Variants in ERP27 observed in about 807,000 individuals in gnomAD.
The protein encoded by ERP27 is endoplasmic reticulum resident protein 27.
In ERP27, 23 loss-of-function variants were observed where a neutral mutation model predicts 27.7. The ratio of observed to expected loss-of-function variants is 0.83; its 90% CI spans 0.60 to 1.18. The LOEUF is 1.18. ERP27 is among the 50% of genes most tolerant of loss of function. The probability of loss-of-function intolerance (pLI) is 0.00; values close to 1 mark genes in which losing one functional copy is unlikely to be tolerated. For synonymous variants in ERP27, 159 were observed against 118.3 expected, an observed-to-expected ratio of 1.34 and a Z score of -2.23; for missense variants, 363 against 327.9, an observed-to-expected ratio of 1.11 and a Z score of -0.83.
intron 3 of ERP27, among the ~76,000 whole-genome samples, chr12:14,931,798 A>G (rs1292672765): frequency 6.6e-6 from 1 of 152,074 alleles, no homozygotes; most frequent in Non-Finnish European, 1.5e-5. Flanking sequence ...TAAGCCTTTT[A>G]AATCAGGCCT....
intron 5 of ERP27, among the ~76,000 whole-genome samples, chr12:14,916,914 G>T (rs531810354): frequency 1.3e-5 from 2 of 152,202 alleles, no homozygotes; most frequent in African/African-American, 4.8e-5. Context: ...AGTCTCTTTG[G>T]ATCTCTATTT....
intron 3 of ERP27, chr12:14,929,036 G>A (rs1233491904): frequency 1.2e-5 from 18 of 1,534,586 alleles, no homozygotes; most frequent in African/African-American, 4.1e-5. Flanking sequence ...ATCAGGACTC[G>A]TTTAACATTT....
Position 14,914,510 on chromosome 12 carries a change from AAAAG to A in ERP27, c.*221_*224del. ...GATAGGGAGTGAGGATATGAAATTT[AAAAG>A]AAGGAAGAAGAGAAAACGAGATTTT... On this transcript the variant is annotated 3_prime_UTR_variant, in exon 7 of 7. Coordinates refer to ENST00000266397, the MANE Select transcript of ERP27 (RefSeq NM_152321.4). 1.9e-6 allele frequency: 1 copy of A among 521,646 alleles called. No individual in the cohort carries two copies. 32.3% of individuals were successfully genotyped at this position (521,646 alleles called of 1,614,324 possible). A position where few individuals can be genotyped will look rare whatever the true frequency, so the allele number is the denominator to read the frequency against.
At chr12:14,935,814 G>T (rs1357579875) in intron 2 of ERP27, among the ~76,000 whole-genome samples, 2 of 152,182 alleles carry the variant, frequency 1.3e-5, no homozygotes, top group Non-Finnish European at 2.9e-5. Context: ...TGCAACCTCT[G>T]CCTCACGGAT....
chr12:14,920,887 C>T, intron 4 of ERP27, 45 bp downstream of exon 4: 1 of 1,492,410 alleles, frequency 6.7e-7, no homozygotes, highest in Non-Finnish European at 9.3e-7. Context: ...AGTACCTTCC[C>T]CGACTCAGGG....
intron 3 of ERP27, among the ~76,000 whole-genome samples, chr12:14,931,448 G>GA (rs1206802430): frequency 6.6e-6 from 1 of 151,516 alleles, no homozygotes; most frequent in Non-Finnish European, 1.5e-5. Flanking sequence ...TGTAAACTGT[G>GA]AAAAAAATAT....
intron 3 of ERP27, among the ~76,000 whole-genome samples, chr12:14,926,785 T>A (rs1439683528): frequency 6.6e-6 from 1 of 152,224 alleles, no homozygotes; most frequent in Non-Finnish European, 1.5e-5. Context: ...TAGTTCCAGA[T>A]CTCACAGGAT....
rs575254357 is a variant in ERP27 at position 14,914,604 on chromosome 12, G to C, written c.*131C>G. ...CGTGTGTGTGTGCACGCGTGCGTGC[G>C]TGTGTGCACGTGCGTGTGTGTGTGG... is the stretch of plus-strand genomic sequence containing the variant. On this transcript the variant is annotated 3_prime_UTR_variant, in exon 7 of 7. Transcript: ENST00000266397. 4 of 682,684 alleles carry C rather than the reference G, an allele frequency of 5.9e-6. No individual in the cohort carries two copies. In the Admixed American group the frequency reaches 8.0e-5, roughly 14 times the overall value. The allele number at this position is 682,684 out of a possible 1,614,324, so 42.3% of individuals were successfully genotyped here. A position where few individuals can be genotyped will look rare whatever the true frequency, so the allele number is the denominator to read the frequency against.
rs899874073 is a variant in ERP27, at chr12:14,925,905, T to C, written c.334-4857A>G. On this transcript the variant is annotated intron_variant, in intron 3 of 6. Coordinates refer to ENST00000266397, the MANE Select transcript of ERP27 (RefSeq NM_152321.4). The stretch of plus-strand genomic sequence containing the variant: ...CAACATGATGAAAGCCCATCTCTAC[T>C]GAAAATACAAAAAATTAGCCGGGCA... Among the ~76,000 whole-genome samples the C allele has an allele frequency of 2.0e-5, 3 of 152,024 alleles. No individual in the cohort carries two copies. The South Asian group carries it at 6.2e-4, about 32-fold the overall frequency.
rs768821979 is a variant in ERP27, at chr12:14,935,012, A to T, written c.196-19T>A. ...CTAAATCCTAAAAACAAGAGAAAAAATAATACCACAGTGGTTATTTCGAAG... is the reference window on the plus strand; with the variant it reads ...CTAAATCCTAAAAACAAGAGAAAAATTAATACCACAGTGGTTATTTCGAAG... On this transcript the variant is annotated intron_variant, in intron 2 of 6. Coordinates refer to ENST00000266397, the MANE Select transcript of ERP27 (RefSeq NM_152321.4). 27 of 1,611,618 alleles carry T rather than the reference A, an allele frequency of 1.7e-5. No homozygotes were observed. Among genetic ancestry groups the T allele is most frequent in the Non-Finnish European group, 2.2e-5 (26 of 1,178,762 alleles).
intron 3 of ERP27, among the ~76,000 whole-genome samples, chr12:14,925,184 A>G (rs1211098461): frequency 6.6e-6 from 1 of 152,162 alleles, no homozygotes; most frequent in Non-Finnish European, 1.5e-5. Context: ...TTTCTTTCGC[A>G]AGATCCAATA....
chr12:14,934,186 G>A (rs1385087752), intron 3 of ERP27, among the ~76,000 whole-genome samples: 1 of 151,998 alleles, frequency 6.6e-6, no homozygotes, highest in Non-Finnish European at 1.5e-5. Context: ...TTTTCCCGTT[G>A]GCCATGAATT....
chr12:14,933,787 A>G (rs957140570), intron 3 of ERP27, among the ~76,000 whole-genome samples: 3 of 152,166 alleles, frequency 2.0e-5, no homozygotes, highest in Non-Finnish European at 4.4e-5. Flanking sequence ...CCTGCTTTCC[A>G]TAACTGTGAT....
chr12:14,923,488 AATCAATCTATCTATCT>A (rs1361837686), intron 3 of ERP27, among the ~76,000 whole-genome samples: 12 of 112,004 alleles, frequency 1.1e-4, no homozygotes, highest in South Asian at 7.5e-4. Flanking sequence ...ATCTATCTAT[AATCAATCTATCTATCT>A]ATCTATCTAT....
chr12:14,921,676 G>A (rs1863506117), intron 3 of ERP27, among the ~76,000 whole-genome samples: 1 of 152,112 alleles, frequency 6.6e-6, no homozygotes, highest in South Asian at 2.1e-4. Flanking sequence ...TTGCTGTAAA[G>A]CTCAGCAAAT....
intron 5 of ERP27, among the ~76,000 whole-genome samples, chr12:14,916,444 G>T (rs1374760861): frequency 6.6e-6 from 1 of 152,090 alleles, no homozygotes; most frequent in African/African-American, 2.4e-5. Flanking sequence ...ATTAAATGAG[G>T]TAACGCATTA....
rs372932924 is a variant in ERP27 at position 14,915,023 on chromosome 12, C to G, written c.775-241G>C. ...ATATATCCTAACAAGCATCCTGACT[C>G]CGGCCACCATATCCTCATAGACTTT... On this transcript the variant is annotated intron_variant, in intron 6 of 6. Coordinates refer to ENST00000266397, the MANE Select transcript of ERP27 (RefSeq NM_152321.4). Among the ~76,000 whole-genome samples the G allele has an allele frequency of 3.2e-4, 49 of 152,270 alleles. 1 individual carries two copies. In the South Asian group the frequency reaches 3.9e-3, roughly 12 times the overall value.
chr12:14,936,320 A>T (rs551772450), intron 2 of ERP27, among the ~76,000 whole-genome samples: 17 of 152,312 alleles, frequency 1.1e-4, no homozygotes, highest in South Asian at 8.3e-4. Flanking sequence ...GCACATGAAG[A>T]TGCTGTTCAC....
At chr12:14,938,204 C>T (rs1863800920) in intron 1 of ERP27, 152 bp from the exon 2 acceptor site, 4 of 788,430 alleles carry the variant, frequency 5.1e-6, no homozygotes, top group Non-Finnish European at 8.4e-6. Context: ...AATATTTTTA[C>T]TAACATATGG....
Sources: allele counts gnomAD v4.1 joint callset (sites outside exome capture counted in the v4.1 genomes callset), GRCh38; gene constraint gnomAD v4.1.1; transcripts MANE v1.5; gene names NCBI Gene and HGNC (gene_info 2026-07-23, HGNC 2026-07-21).